C9: variants seen among roughly 807,000 people sequenced by gnomAD.
C9 encodes the protein complement C9.
C9 carries 63 observed loss-of-function variants against 65.4 expected under a neutral mutation model. The ratio of observed to expected loss-of-function variants is 0.96; its 90% CI spans 0.79 to 1.19. The LOEUF is 1.19. Among genes scored for constraint, C9 ranks in the 50% most tolerant of loss-of-function variants. The probability of loss-of-function intolerance (pLI) is 0.00; values close to 1 mark genes in which losing one functional copy is unlikely to be tolerated. For synonymous variants in C9, 229 were observed against 227.9 expected (o/e 1.00, Z -0.04); for missense variants, 744 against 670.1 (o/e 1.11, Z -1.22).
In C9 at chr5:39,296,007, A is replaced by G. The variant is rs368502071; in HGVS notation, c.1417-7056T>C. ...TGCAGAAGAATAAAATTAACCCCCC[A>G]CTTTTTGTCCTATAAAAAATCAACC... On this transcript the variant is annotated intron_variant, in intron 9 of 10. Coordinates refer to ENST00000263408, the MANE Select transcript of C9 (RefSeq NM_001737.5). Among the ~76,000 whole-genome samples the G allele has an allele frequency of 4.7e-3, 720 of 151,742 alleles. 6 individuals are homozygous for G. Among genetic ancestry groups the G allele is most frequent in the South Asian group, 0.031 (149 of 4,828 alleles).
At position 39,284,662 on chromosome 5, in the gene C9, A is replaced by G. The variant is rs1333339813; in HGVS notation, c.*537T>C. 1.3e-5 allele frequency: 2 copies of G among 153,292 alleles called. No individual in the cohort carries two copies. Among genetic ancestry groups the G allele is most frequent in the Non-Finnish European group, 2.9e-5 (2 of 68,834 alleles). 9.5% of individuals were successfully genotyped at this position (153,292 alleles called of 1,614,324 possible). ...ATATAATATGTTTTCCCCCTTGGAC[A>G]CATGGATTTAAATCGTAGAGCTAAG... On this transcript the variant is annotated 3_prime_UTR_variant, in exon 11 of 11. Transcript: ENST00000263408.
chr5:39,291,768 AAAT>A (rs1175066383), intron 9 of C9, among the ~76,000 whole-genome samples: 2 of 151,946 alleles, frequency 1.3e-5, no homozygotes, highest in African/African-American at 4.8e-5. Flanking sequence ...GAAATGTAAA[AAAT>A]AAAAAGCATG....
At chr5:39,359,102 G>GTATATATATATATATATATATATATATA in intron 1 of C9, among the ~76,000 whole-genome samples, 1 of 103,662 alleles carries the variant, frequency 9.6e-6, no homozygotes, top group Non-Finnish European at 1.9e-5. Context: ...GTGTGTGTGT[G>GTATATATATATATATATATATATATATA]TATATATATA....
chr5:39,333,139 AC>A (rs753503600), intron 4 of C9, among the ~76,000 whole-genome samples: 10 of 152,146 alleles, frequency 6.6e-5, no homozygotes, highest in East Asian at 5.8e-4. Context: ...AAATAAAAAA[AC>A]ATTATATATT....
At chr5:39,341,794 G>C in intron 2 of C9, 94 bp from the exon 3 acceptor site, 2 of 1,142,074 alleles carry the variant, frequency 1.8e-6, no homozygotes, top group Non-Finnish European at 2.6e-6. Context: ...CCTGCAATGA[G>C]TCAATGGTTT....
intron 9 of C9, among the ~76,000 whole-genome samples, chr5:39,299,923 A>G (rs1753252784): frequency 6.6e-6 from 1 of 152,156 alleles, no homozygotes; most frequent in African/African-American, 2.4e-5. Flanking sequence ...GGCTAACTAT[A>G]CCTCTGATAA....
At chr5:39,353,831 T>G (rs1754367326) in intron 1 of C9, among the ~76,000 whole-genome samples, 1 of 152,148 alleles carries the variant, frequency 6.6e-6, no homozygotes, top group Admixed American at 6.5e-5. Context: ...ATCAAATACC[T>G]GAAACATAAT....
chr5:39,286,691 C>T (rs921691816), intron 10 of C9, among the ~76,000 whole-genome samples: 1 of 149,102 alleles, frequency 6.7e-6, no homozygotes, highest in African/African-American at 2.4e-5. Flanking sequence ...TTCCAAGTAC[C>T]AAGTAGTATA....
intron 4 of C9, among the ~76,000 whole-genome samples, chr5:39,337,128 G>A (rs963967146): frequency 6.6e-6 from 1 of 152,148 alleles, no homozygotes; most frequent in African/African-American, 2.4e-5. Flanking sequence ...GAATTGTCAT[G>A]CTTATTAATT....
At chr5:39,360,398 G>A (rs2111991747) in intron 1 of C9, among the ~76,000 whole-genome samples, 1 of 152,172 alleles carries the variant, frequency 6.6e-6, no homozygotes, top group Admixed American at 6.5e-5. Flanking sequence ...CAGAGCCCAG[G>A]TAACTAGTCA....
At chr5:39,288,996 G>C (rs1172485019) in intron 9 of C9, 45 bp from the exon 10 acceptor site, 2 of 1,034,342 alleles carry the variant, frequency 1.9e-6, no homozygotes, top group East Asian at 2.4e-5. Context: ...TTTTAACTGA[G>C]AGAACTTGTA....
At chr5:39,343,854 T>C (rs1286970075) in intron 1 of C9, among the ~76,000 whole-genome samples, 1 of 152,174 alleles carries the variant, frequency 6.6e-6, no homozygotes, top group African/African-American at 2.4e-5. Flanking sequence ...AGCAGCAACA[T>C]TTGCTGTTCA....
At chr5:39,289,019 C>T (rs1753042966) in intron 9 of C9, 68 bp from the exon 10 acceptor site, 1 of 844,452 alleles carries the variant, frequency 1.2e-6, no homozygotes, top group Non-Finnish European at 2.0e-6. Flanking sequence ...ATACACTTTA[C>T]TTAATTATTC....
intron 4 of C9, among the ~76,000 whole-genome samples, chr5:39,333,629 C>T (rs1231068882): frequency 7.1e-6 from 1 of 141,448 alleles, no homozygotes; most frequent in Non-Finnish European, 1.6e-5. Context: ...TCTCCCCTCT[C>T]CCTCTCTTTC....
intron 1 of C9, among the ~76,000 whole-genome samples, chr5:39,351,926 C>G (rs1483217609): frequency 6.6e-6 from 1 of 152,132 alleles, no homozygotes; most frequent in African/African-American, 2.4e-5. Context: ...CTCTTGTTAC[C>G]AATTTTCTGT....
At chr5:39,341,347 C>T (rs768789386) in intron 3 of C9, 54 bp from the exon 4 acceptor site, 10 of 1,599,598 alleles carry the variant, frequency 6.3e-6, no homozygotes, top group Non-Finnish European at 7.7e-6. Flanking sequence ...TTTTCTCTTT[C>T]TTTCTGAAGT....
Position 39,293,742 on chromosome 5 carries a change from C to T in C9, c.1417-4791G>A, listed in dbSNP as rs182566644. On this transcript the variant is annotated intron_variant, in intron 9 of 10. Transcript: ENST00000263408. ...ATTTACAGAACTTTTTGCCCAAGAG[C>T]TGCAGAGGGCACATTCTTTTAATCA... Among the ~76,000 whole-genome samples the T allele has an allele frequency of 9.9e-4, 150 of 152,008 alleles. 3 individuals are homozygous for T. The highest frequency in any genetic ancestry group is 3.4e-3 in the African/African-American group (142 of 41,520).
intron 1 of C9, among the ~76,000 whole-genome samples, chr5:39,349,605 T>C (rs941294383): frequency 6.6e-5 from 10 of 152,216 alleles, no homozygotes; most frequent in Non-Finnish European, 1.5e-4. Context: ...CACCCTCGTC[T>C]CTTGTTTCCT....
chr5:39,333,451 C>G (rs1290828913), intron 4 of C9, among the ~76,000 whole-genome samples: 3 of 152,220 alleles, frequency 2.0e-5, no homozygotes. Flanking sequence ...CCCCTTCAAC[C>G]TGGCTATCCC....
Sources: allele counts gnomAD v4.1 joint callset (sites outside exome capture counted in the v4.1 genomes callset), GRCh38; gene constraint gnomAD v4.1.1; transcripts MANE v1.5; gene names NCBI Gene and HGNC (gene_info 2026-07-23, HGNC 2026-07-21).